Variants in TRHDE observed in about 807,000 individuals in gnomAD.
The protein encoded by TRHDE is thyrotropin-releasing hormone-degrading ectoenzyme.
TRHDE carries 72 observed loss-of-function variants against 125.7 expected under a neutral mutation model. The observed-to-expected ratio is 0.57, with a 90% CI of 0.47 to 0.70. The LOEUF is 0.70. TRHDE is among the 30% of genes least tolerant of loss of function. TRHDE has a pLI of 0.00. For missense variants in TRHDE, 1,110 were observed against 1,327.1 expected (o/e 0.84, Z 2.54); for synonymous variants, 509 against 509.1 (o/e 1.00, Z 0.00).
At chr12:72,232,407 A>G (rs1036503904) in intron 2 of TRHDE, among the ~76,000 whole-genome samples, 5 of 152,136 alleles carry the variant, frequency 3.3e-5, no homozygotes, top group East Asian at 3.9e-4. Context: ...TCAGATATAG[A>G]AGGTGCTGGA....
At chr12:72,328,772 C>T (rs1256132313) in intron 2 of TRHDE, among the ~76,000 whole-genome samples, 1 of 152,116 alleles carries the variant, frequency 6.6e-6, no homozygotes, top group Non-Finnish European at 1.5e-5. Flanking sequence ...TTTATCTTGT[C>T]ATACTATTAG....
chr12:72,211,644 C>T (rs561846096), intron 2 of TRHDE, among the ~76,000 whole-genome samples: 3 of 151,884 alleles, frequency 2.0e-5, no homozygotes, highest in Admixed American at 6.6e-5. Flanking sequence ...GCCCCGGGGA[C>T]GCAAAGCTAT....
intron 12 of TRHDE, chr12:72,611,133 T>C (rs1415853451): frequency 5.8e-6 from 1 of 172,788 alleles, no homozygotes; most frequent in African/African-American, 2.4e-5. Context: ...CTGAGCAATA[T>C]CAGAAAGCTG....
chr12:72,338,339 G>A lies in TRHDE; in HGVS notation c.1189-39656G>A, dbSNP rs1869923522. ...TTAGGGTTGATCGTGTAAACAGAATGTGATCTTAATTGGTATTTTCTACTT... is the reference window on the plus strand; with the variant it reads ...TTAGGGTTGATCGTGTAAACAGAATATGATCTTAATTGGTATTTTCTACTT... On this transcript the variant is annotated intron_variant, in intron 2 of 18. Coordinates refer to ENST00000261180, the MANE Select transcript of TRHDE (RefSeq NM_013381.3). Among the ~76,000 whole-genome samples, 5 of 152,140 alleles carry A rather than the reference G, an allele frequency of 3.3e-5. No individual in the cohort carries two copies. In the South Asian group the frequency reaches 1.0e-3, roughly 32 times the overall value.
chr12:72,559,288 A>G (rs1427066410), intron 7 of TRHDE, among the ~76,000 whole-genome samples: 1 of 152,208 alleles, frequency 6.6e-6, no homozygotes, highest in Non-Finnish European at 1.5e-5. Context: ...TTCAATTCTC[A>G]GAAAAAATAT....
intron 3 of TRHDE, among the ~76,000 whole-genome samples, chr12:72,443,474 G>A (rs1277830642): frequency 1.3e-5 from 2 of 151,656 alleles, no homozygotes; most frequent in Admixed American, 6.6e-5. Flanking sequence ...GACTTAGATT[G>A]AGTATTAGTC....
At chr12:72,500,650 C>T (rs963965774) in intron 6 of TRHDE, among the ~76,000 whole-genome samples, 13 of 152,042 alleles carry the variant, frequency 8.6e-5, no homozygotes, top group Non-Finnish European at 1.9e-4. Context: ...CCTCTGCCTC[C>T]CAAAGTGCTG....
At chr12:72,419,129 A>C (rs1873847759) in intron 3 of TRHDE, among the ~76,000 whole-genome samples, 1 of 152,200 alleles carries the variant, frequency 6.6e-6, no homozygotes, top group African/African-American at 2.4e-5. Flanking sequence ...GGAGCTATTT[A>C]AACACTTAAG....
chr12:72,476,647 G>T (rs1020289083), intron 5 of TRHDE, among the ~76,000 whole-genome samples: 1 of 152,134 alleles, frequency 6.6e-6, no homozygotes, highest in East Asian at 1.9e-4. Flanking sequence ...GACCTCTTTT[G>T]CCATTAATCT....
chr12:72,543,830 T>G (rs545707819), intron 7 of TRHDE, among the ~76,000 whole-genome samples: 19 of 147,254 alleles, frequency 1.3e-4, no homozygotes, highest in African/African-American at 2.2e-4. Context: ...TTATTATTAT[T>G]ATGAACGTTT....
intron 6 of TRHDE, among the ~76,000 whole-genome samples, chr12:72,519,716 T>C (rs1387268338): frequency 1.3e-5 from 2 of 152,134 alleles, no homozygotes; most frequent in Non-Finnish European, 1.5e-5. Flanking sequence ...GGAGGAGAGG[T>C]GCTCTGCTTT....
At chr12:72,568,155 A>G (rs892435983) in intron 9 of TRHDE, among the ~76,000 whole-genome samples, 1 of 152,094 alleles carries the variant, frequency 6.6e-6, no homozygotes, top group Non-Finnish European at 1.5e-5. Context: ...ATAAATAAGG[A>G]GAATATTAAA....
intron 18 of TRHDE, among the ~76,000 whole-genome samples, chr12:72,661,536 A>ACTT (rs1368876961): frequency 2.0e-5 from 3 of 152,210 alleles, no homozygotes; most frequent in African/African-American, 7.2e-5. Flanking sequence ...AAAATGTATT[A>ACTT]CTTTTTGCCT....
At chr12:72,239,414 G>T (rs968348727) in intron 2 of TRHDE, among the ~76,000 whole-genome samples, 3 of 152,058 alleles carry the variant, frequency 2.0e-5, no homozygotes, top group African/African-American at 7.2e-5. Context: ...GTCAATTTTG[G>T]CTTGTGTTGC....
intron 2 of TRHDE, among the ~76,000 whole-genome samples, chr12:72,231,035 T>C (rs927856691): frequency 3.9e-5 from 6 of 152,266 alleles, no homozygotes; most frequent in Admixed American, 1.3e-4. Context: ...ATTTGGACAT[T>C]TATCAACACT....
chr12:72,110,236 G>C (rs575812410), intron 2 of TRHDE, among the ~76,000 whole-genome samples: 2 of 152,124 alleles, frequency 1.3e-5, no homozygotes, highest in African/African-American at 4.8e-5. Flanking sequence ...TGTAAAACTT[G>C]ATTACTCCAA....
At chr12:72,495,110 A>G (rs1320682276) in intron 5 of TRHDE, among the ~76,000 whole-genome samples, 2 of 99,268 alleles carry the variant, frequency 2.0e-5, no homozygotes, top group Non-Finnish European at 3.8e-5. Flanking sequence ...TCTAAAAGCT[A>G]TGTAGTTATC....
At chr12:72,646,457 G>A (rs1225498584) in intron 15 of TRHDE, among the ~76,000 whole-genome samples, 1 of 151,952 alleles carries the variant, frequency 6.6e-6, no homozygotes, top group East Asian at 1.9e-4. Flanking sequence ...AAACAATTTT[G>A]TTAAAATGGC....
intron 7 of TRHDE, among the ~76,000 whole-genome samples, chr12:72,546,149 A>G (rs1048528888): frequency 6.6e-6 from 1 of 151,712 alleles, no homozygotes; most frequent in African/African-American, 2.4e-5. Flanking sequence ...TAACTCTCAC[A>G]TAAAAGATCT....
Sources: gnomAD v4.1 joint callset for allele counts (sites outside exome capture counted in the v4.1 genomes callset) on GRCh38, gnomAD v4.1.1 for gene constraint, MANE v1.5 for transcripts, NCBI Gene and HGNC (gene_info 2026-07-23, HGNC 2026-07-21) for gene names.